The following LMOD3 variants were observed in gnomAD, a reference collection of about 807,000 sequenced individuals.
LMOD3 encodes the protein leiomodin-3.
LMOD3 carries 31 observed loss-of-function variants against 41.8 expected under a neutral mutation model. The observed-to-expected ratio is 0.74, with a 90% CI of 0.56 to 1.00. LMOD3 has a LOEUF of 1.00. Ranked by LOEUF, LMOD3 falls within the 50% of genes least tolerant of loss-of-function variation. The probability of loss-of-function intolerance (pLI) is 0.00; values close to 1 mark genes in which losing one functional copy is unlikely to be tolerated. For synonymous variants in LMOD3, 292 were observed against 241.9 expected, an observed-to-expected ratio of 1.21 and a Z score of -1.92; for missense variants, 755 against 679.5, an observed-to-expected ratio of 1.11 and a Z score of -1.23.
chr3:69,119,006 G>A lies in LMOD3; in HGVS notation c.1349C>T (p.Pro450Leu), dbSNP rs200877403. 59 of 1,613,604 alleles carry A rather than the reference G, an allele frequency of 3.7e-5. No homozygotes were observed. Among genetic ancestry groups the A allele is most frequent in the East Asian group, 3.1e-4 (14 of 44,862 alleles). ...TTGGGGGTTGGGAGGCCGAGGTGGC[G>A]GTGGCTGGAAGAATTCCTGCATTCT... ...DSRMQEFFQP[P>L]PPRPPNPQNV... Residue 450 changes from proline (P) to leucine (L), a missense_variant, in exon 2 of 3, where the codon CCG (proline) becomes CTG (leucine). Transcript: ENST00000420581.
In LMOD3 at chr3:69,122,217, T is replaced by G; in HGVS notation, c.170A>C (p.Gln57Pro). 1 of 1,613,602 alleles carries G rather than the reference T, an allele frequency of 6.2e-7. No homozygotes were observed. Among genetic ancestry groups the G allele is most frequent in the East Asian group, 2.2e-5 (1 of 44,822 alleles). The change falls in exon 1 of 3, where the codon CAA becomes CCA. Residue 57 changes from glutamine (Q) to proline (P), a missense_variant. Physicochemically the swap from Gln to Pro is moderately conservative, Grantham distance 76. Coordinates refer to ENST00000420581, the MANE Select transcript of LMOD3 (RefSeq NM_198271.5). The part of the protein sequence containing the change: ...SLPVGMIQKD[Q>P]TDKPPTGNFN... The stretch of plus-strand genomic sequence containing the variant: ...GTTTCCTGTCGGTGGCTTGTCAGTT[T>G]GATCTTTCTGAATCATTCCCACGGG...
intron 2 of LMOD3, among the ~76,000 whole-genome samples, chr3:69,110,080 GA>G (rs1265095393): frequency 6.6e-6 from 1 of 152,012 alleles, no homozygotes; most frequent in Non-Finnish European, 1.5e-5. Context: ...CTGATGGTCA[GA>G]AATATTTAAA....
chr3:69,115,217 G>A (rs2092365917), intron 2 of LMOD3, among the ~76,000 whole-genome samples: 1 of 152,058 alleles, frequency 6.6e-6, no homozygotes, highest in African/African-American at 2.4e-5. Context: ...CATGGTGGCT[G>A]ATGCCTGTAA....
In LMOD3 at chr3:69,106,309, A is replaced by C. The variant is rs1289899923; in HGVS notation, c.*2786T>G. 1.3e-5 allele frequency among the ~76,000 whole-genome samples: 2 copies of C among 152,174 alleles called. No homozygotes were observed. Among genetic ancestry groups the C allele is most frequent in the Non-Finnish European group, 2.9e-5 (2 of 68,042 alleles). On this transcript the variant is annotated 3_prime_UTR_variant, in exon 3 of 3. Coordinates refer to ENST00000420581, the MANE Select transcript of LMOD3 (RefSeq NM_198271.5). ...TACATGTTAGCCCATTCCATTTTCT[A>C]CAAGGTGAATTCTGCCGATAAAATC...
At chr3:69,121,697 T>C (rs937863) in intron 1 of LMOD3, among the ~76,000 whole-genome samples, 16,525 of 152,156 alleles carry the variant, frequency 0.11, 2,329 homozygotes, top group African/African-American at 0.32. Flanking sequence ...TATGTTTGGA[T>C]GTGCCAGAGA....
chr3:69,117,833 G>GTTTTTTTTTTTTTTTTTTTTTTTT (rs374336943), intron 2 of LMOD3, among the ~76,000 whole-genome samples: 1 of 132,160 alleles, frequency 7.6e-6, no homozygotes, highest in African/African-American at 2.8e-5. Flanking sequence ...AATTTGGGTG[G>GTTTTTTTTTTTTTTTTTTTTTTTT]TTTTTTTTTT....
At chr3:69,115,222 C>T (rs2107523530) in intron 2 of LMOD3, among the ~76,000 whole-genome samples, 1 of 152,182 alleles carries the variant, frequency 6.6e-6, no homozygotes, top group East Asian at 1.9e-4. Context: ...TGGCTGATGC[C>T]TGTAATCCCG....
chr3:69,119,150 T>G lies in LMOD3; in HGVS notation c.1205A>C (p.Gln402Pro), dbSNP rs1234407201. 6.2e-7 allele frequency: 1 copy of G among 1,613,934 alleles called. No homozygotes were observed. The highest frequency in any genetic ancestry group is 2.2e-5 in the East Asian group (1 of 44,874). The change falls in exon 2 of 3, where the codon CAG becomes CCG. Residue 402 changes from glutamine (Q) to proline (P), a missense_variant. By Grantham distance (76) the Gln-to-Pro change is moderately conservative. Coordinates refer to ENST00000420581, the MANE Select transcript of LMOD3 (RefSeq NM_198271.5). ...GAGTTGCTGCTGTTTTTGCTCTTCC[T>G]GTCGTTTCTGCCTTTGTTTATCCTG... is the stretch of plus-strand genomic sequence containing the variant. ...RNQDKQRQKR[Q>P]EEQKQQQLKE...
intron 2 of LMOD3, 22 bp downstream of exon 2, chr3:69,118,677 A>G (rs2092388651): frequency 6.3e-7 from 1 of 1,598,492 alleles, no homozygotes; most frequent in East Asian, 2.2e-5. Context: ...CTCAGTCACC[A>G]TTTCTCCCTC....
At chr3:69,117,309 A>G (rs1310492964) in intron 2 of LMOD3, among the ~76,000 whole-genome samples, 1 of 152,244 alleles carries the variant, frequency 6.6e-6, no homozygotes, top group Admixed American at 6.5e-5. Flanking sequence ...AGGACGATAC[A>G]TATGTGAAAG....
intron 2 of LMOD3, among the ~76,000 whole-genome samples, chr3:69,116,489 A>C (rs1200481945): frequency 2.6e-5 from 4 of 152,180 alleles, no homozygotes; most frequent in Non-Finnish European, 5.9e-5. Context: ...TTTTTTTAAA[A>C]CACCACCACC....
At chr3:69,120,830 C>G (rs1448906323) in intron 1 of LMOD3, among the ~76,000 whole-genome samples, 1 of 152,016 alleles carries the variant, frequency 6.6e-6, no homozygotes, top group Non-Finnish European at 1.5e-5. Context: ...ATTGCTTAGT[C>G]TGGGAAATAA....
chr3:69,114,899 T>C (rs1357390900), intron 2 of LMOD3, among the ~76,000 whole-genome samples: 1 of 152,172 alleles, frequency 6.6e-6, no homozygotes, highest in African/African-American at 2.4e-5. Context: ...AGGGTCTCAC[T>C]CTGTTGCCCA....
Position 69,120,074 on chromosome 3 carries a change from T to A in LMOD3, c.295-14A>T, listed in dbSNP as rs2092400429. 2 of 1,581,770 alleles carry A rather than the reference T, an allele frequency of 1.3e-6. No individual in the cohort carries two copies. The highest frequency in any genetic ancestry group is 2.0e-4 in the Middle Eastern group (1 of 5,082). On this transcript the variant is annotated splice_polypyrimidine_tract_variant and intron_variant, in intron 1 of 2. Coordinates refer to ENST00000420581, the MANE Select transcript of LMOD3 (RefSeq NM_198271.5). ...TTGAGTCTTTTCCTACAAGAGAGGTTTATGAGGGTTAGAATACATAGCAGA... is the reference window on the plus strand; with the variant it reads ...TTGAGTCTTTTCCTACAAGAGAGGTATATGAGGGTTAGAATACATAGCAGA...
chr3:69,120,536 A>G (rs1194213829), intron 1 of LMOD3, among the ~76,000 whole-genome samples: 2 of 151,854 alleles, frequency 1.3e-5, no homozygotes, highest in Non-Finnish European at 2.9e-5. Flanking sequence ...TATAGAATGT[A>G]CATGAACTTC....
Position 69,108,876 on chromosome 3 carries a change from C to T in LMOD3, c.*219G>A. On this transcript the variant is annotated 3_prime_UTR_variant, in exon 3 of 3. Coordinates refer to ENST00000420581, the MANE Select transcript of LMOD3 (RefSeq NM_198271.5). ...ATTGATTGCAAGTAGAAAATATTGCCTCTAAATATTATATTTTATCTCCTT... is the reference window on the plus strand; with the variant it reads ...ATTGATTGCAAGTAGAAAATATTGCTTCTAAATATTATATTTTATCTCCTT... The T allele has an allele frequency of 2.4e-6, 1 of 409,958 alleles. No homozygotes were observed. Among genetic ancestry groups the T allele is most frequent in the Non-Finnish European group, 4.3e-6 (1 of 231,860 alleles). 25.4% of individuals were successfully genotyped at this position (409,958 alleles called of 1,614,324 possible).
Position 69,119,064 on chromosome 3 carries a change from A to G in LMOD3, c.1291T>C (p.Trp431Arg), listed in dbSNP as rs1471834832. ...ENGLGLPPGM[W>R]ELLGGPKPDS... Reference sequence around the variant, plus strand: ...GGCTTGGGTCCTCCCAACAGCTCCCACATCCCAGGGGGCAGCCCCAACCCA... The same window carrying G: ...GGCTTGGGTCCTCCCAACAGCTCCCGCATCCCAGGGGGCAGCCCCAACCCA... Residue 431 changes from tryptophan to arginine, a missense_variant, in exon 2 of 3, where the codon TGG becomes CGG. By Grantham distance (101) the Trp-to-Arg change is moderately radical. Transcript: ENST00000420581. 6.2e-7 allele frequency: 1 copy of G among 1,613,786 alleles called. No individual in the cohort carries two copies. Among genetic ancestry groups the G allele is most frequent in the Non-Finnish European group, 8.5e-7 (1 of 1,179,854 alleles).
chr3:69,118,555 A>T, intron 2 of LMOD3, 144 bp downstream of exon 2: 1 of 855,656 alleles, frequency 1.2e-6, no homozygotes, highest in Non-Finnish European at 1.7e-6. Context: ...GCAGTAATTT[A>T]GTTCTATTGG....
chr3:69,109,691 G>A (rs1299694009), intron 2 of LMOD3, among the ~76,000 whole-genome samples: 1 of 151,752 alleles, frequency 6.6e-6, no homozygotes, highest in East Asian at 1.9e-4. Context: ...CCAATGCCCA[G>A]CTAATTTTTG....
Sources: allele counts gnomAD v4.1 joint callset (sites outside exome capture counted in the v4.1 genomes callset), GRCh38; gene constraint gnomAD v4.1.1; transcripts MANE v1.5; gene names NCBI Gene and HGNC (gene_info 2026-07-23, HGNC 2026-07-21).